Variants in COL5A1 observed in about 807,000 individuals in gnomAD.
COL5A1 encodes collagen alpha-1(V) chain.
In COL5A1, 16 loss-of-function variants were observed where a neutral mutation model predicts 263.7. The ratio of observed to expected loss-of-function variants is 0.06; its 90% confidence interval spans 0.04 to 0.09. The LOEUF (loss-of-function observed/expected upper bound fraction) is 0.09, where lower values mean the gene tolerates loss of function less well. COL5A1 is among the 10% of genes least tolerant of loss of function. The pLI, the probability that COL5A1 is intolerant of heterozygous loss-of-function variation, is 1.00. For missense variants in COL5A1, 2,036 were observed against 2,540.5 expected (o/e 0.80, Z 4.27); for synonymous variants, 1,012 against 1,004.5 (o/e 1.01, Z -0.14).
intron 64 of COL5A1, among the ~76,000 whole-genome samples, chr9:134,833,277 A>C (rs7045205): frequency 0.069 from 10,482 of 152,290 alleles, 781 homozygotes; most frequent in African/African-American, 0.18. Context: ...AGAGATGCAA[A>C]AGTGAGATGC....
chr9:134,810,765 C>T (rs539329678), intron 44 of COL5A1, among the ~76,000 whole-genome samples: 30 of 152,208 alleles, frequency 2.0e-4, no homozygotes, highest in Non-Finnish European at 3.7e-4. Context: ...CGATGAGTGA[C>T]ATGTCTTCTT....
At chr9:134,795,848 G>A (rs185675772) in intron 34 of COL5A1, among the ~76,000 whole-genome samples, 1 of 152,254 alleles carries the variant, frequency 6.6e-6, no homozygotes, top group African/African-American at 2.4e-5. Context: ...ACTCCAGAGC[G>A]GGTTCCTGCT....
chr9:134,698,144 A>G (rs1335178729), intron 2 of COL5A1, among the ~76,000 whole-genome samples: 1 of 152,220 alleles, frequency 6.6e-6, no homozygotes, highest in Non-Finnish European at 1.5e-5. Context: ...TAGACATGGG[A>G]GTCCTGAGCC....
intron 19 of COL5A1, among the ~76,000 whole-genome samples, chr9:134,763,090 G>A (rs1005871360): frequency 1.3e-5 from 2 of 151,440 alleles, no homozygotes; most frequent in African/African-American, 4.9e-5. Flanking sequence ...CACAGGGTCT[G>A]TGTGTCCATG....
At chr9:134,760,592 G>GCA (rs1240379644) in intron 18 of COL5A1, among the ~76,000 whole-genome samples, 2 of 52,794 alleles carry the variant, frequency 3.8e-5, no homozygotes, top group African/African-American at 1.6e-4. Flanking sequence ...TCAGACACAT[G>GCA]CACACACACC....
chr9:134,721,692 C>T (rs555830010), intron 4 of COL5A1, among the ~76,000 whole-genome samples: 1 of 152,354 alleles, frequency 6.6e-6, no homozygotes, highest in Admixed American at 6.5e-5. Flanking sequence ...CTCAGCCCTG[C>T]CTGGAAGGTG....
Position 134,818,709 on chromosome 9 carries a change from G to A in COL5A1, c.4284G>A (p.Gln1428=), listed in dbSNP as rs1415330411. Residue 1428 remains glutamine (Q), a synonymous_variant, in exon 55 of 66, where the codon CAG becomes CAA. Transcript: ENST00000371817. This position sits in a 1 kb window ranked among gnomAD's most constrained non-coding sequence, Gnocchi z 6.0. ...GGAAGACTGGCCCCATCGGCCCCCA[G>A]GGGGCCCCTGGGAAGCCCGGACCGG... ...PPGKTGPIGP[Q]GAPGKPGPDG... The A allele has an allele frequency of 1.2e-6, 2 of 1,610,550 alleles. No homozygotes were observed. Among genetic ancestry groups the A allele is most frequent in the African/African-American group, 2.7e-5 (2 of 74,830 alleles).
At chr9:134,645,426 C>T (rs1251908791) in intron 1 of COL5A1, among the ~76,000 whole-genome samples, 2 of 152,236 alleles carry the variant, frequency 1.3e-5, no homozygotes, top group Non-Finnish European at 2.9e-5. Context: ...TGAGCTGCCC[C>T]GCTGGAGGGC....
rs929708345 is a variant in COL5A1 at position 134,716,692 on chromosome 9, C to T, written c.655-10574C>T. Among the ~76,000 whole-genome samples the T allele has an allele frequency of 6.6e-6, 1 of 152,220 alleles. No individual in the cohort carries two copies. Among genetic ancestry groups the T allele is most frequent in the African/African-American group, 2.4e-5 (1 of 41,454 alleles). On this transcript the variant is annotated intron_variant, in intron 4 of 65. Transcript: ENST00000371817. This position sits in a 1 kb window ranked among gnomAD's most constrained non-coding sequence, Gnocchi z 4.5. The stretch of plus-strand genomic sequence containing the variant: ...CTCCGAGTTTGCTGAGCTGACCCTT[C>T]AGTCCCTGTGGCCAGCTTCAGGGTG...
At chr9:134,785,552 C>T (rs1398818918) in intron 30 of COL5A1, among the ~76,000 whole-genome samples, 3 of 152,132 alleles carry the variant, frequency 2.0e-5, no homozygotes, top group African/African-American at 7.2e-5. Flanking sequence ...GTGGGAGGCT[C>T]CTGGGCCAGC....
chr9:134,751,244 C>T (rs1406954105), intron 13 of COL5A1, among the ~76,000 whole-genome samples: 1 of 151,868 alleles, frequency 6.6e-6, no homozygotes, highest in Non-Finnish European at 1.5e-5. Flanking sequence ...CCAGTAGGGA[C>T]CCCGAGATCA....
rs1006988038 is a variant in COL5A1 at position 134,754,461 on chromosome 9, G to A, written c.1827+135G>A. 29 of 999,616 alleles carry A rather than the reference G, an allele frequency of 2.9e-5. No individual in the cohort carries two copies. Among genetic ancestry groups the A allele is most frequent in the Middle Eastern group, 2.8e-4 (1 of 3,598 alleles). The allele number at this position is 999,616 out of a possible 1,614,324, so 61.9% of individuals were successfully genotyped here. On this transcript the variant is annotated intron_variant, in intron 16 of 65. Coordinates refer to ENST00000371817, the MANE Select transcript of COL5A1 (RefSeq NM_000093.5). The surrounding 1 kb of genome is among the most constrained non-coding windows in gnomAD (Gnocchi z 4.3). ...TGGCTCCCCTTCTTGTGATGGGTGC[G>A]TCCATCCCCAAGGCTGCCTCTGAGC...
chr9:134,812,212 T>A lies in COL5A1; in HGVS notation c.3691-237T>A, dbSNP rs10745387. On this transcript the variant is annotated intron_variant, in intron 46 of 65. Coordinates refer to ENST00000371817, the MANE Select transcript of COL5A1 (RefSeq NM_000093.5). ...TCCTTAGGCTTTATTGTTTTATGGG[T>A]TCCTGCCATAATCACCTTTGTCGTA... Among the ~76,000 whole-genome samples, 94,701 of 152,086 alleles carry A rather than the reference T, an allele frequency of 0.62. 30,944 individuals carry two copies. Among genetic ancestry groups the A allele is most frequent in the African/African-American group, 0.84 (34,744 of 41,494 alleles).
intron 6 of COL5A1, among the ~76,000 whole-genome samples, chr9:134,729,324 G>T (rs986323329): frequency 6.6e-6 from 1 of 152,194 alleles, no homozygotes; most frequent in African/African-American, 2.4e-5. Context: ...CACCTAGCAG[G>T]GCCCGGGCCC....
At chr9:134,835,751 G>C (rs374065174) in intron 65 of COL5A1, among the ~76,000 whole-genome samples, 49 of 152,302 alleles carry the variant, frequency 3.2e-4, no homozygotes, top group African/African-American at 1.0e-3. Flanking sequence ...GAGACCTCAC[G>C]GGCAGTCAGG....
chr9:134,783,692 T>C (rs1161005277), intron 29 of COL5A1, among the ~76,000 whole-genome samples: 1 of 152,080 alleles, frequency 6.6e-6, no homozygotes, highest in African/African-American at 2.4e-5. Context: ...CCCACACACT[T>C]GGCACTTCGT....
In COL5A1 at chr9:134,796,830, G is replaced by A. The variant is rs757216231; in HGVS notation, c.2845-18G>A. 56 of 1,613,612 alleles carry A rather than the reference G, an allele frequency of 3.5e-5. No individual in the cohort carries two copies. Among genetic ancestry groups the A allele is most frequent in the Non-Finnish European group, 4.3e-5 (51 of 1,179,578 alleles). ...GGAGAGACCTCTTGTCCTCAAACTGGCCTTTCTCTGTTCCCAGGGACCCAA... is the reference window on the plus strand; with the variant it reads ...GGAGAGACCTCTTGTCCTCAAACTGACCTTTCTCTGTTCCCAGGGACCCAA... On this transcript the variant is annotated intron_variant, in intron 35 of 65. Coordinates refer to ENST00000371817, the MANE Select transcript of COL5A1 (RefSeq NM_000093.5).
chr9:134,814,510 T>G (rs1838663286), intron 49 of COL5A1, among the ~76,000 whole-genome samples: 1 of 152,198 alleles, frequency 6.6e-6, no homozygotes, highest in African/African-American at 2.4e-5. Context: ...CCTTGTGGTC[T>G]TCACTGACTG....
chr9:134,655,582 C>T (rs116764839), intron 1 of COL5A1, among the ~76,000 whole-genome samples: 1 of 152,252 alleles, frequency 6.6e-6, no homozygotes, highest in African/African-American at 2.4e-5. Context: ...GCTAGGACCA[C>T]CACAGCTGGC....
Sources: allele counts gnomAD v4.1 joint callset (sites outside exome capture counted in the v4.1 genomes callset), GRCh38; gene constraint gnomAD v4.1.1; non-coding constraint Gnocchi (gnomAD v3.1); transcripts MANE v1.5; gene names NCBI Gene and HGNC (gene_info 2026-07-23, HGNC 2026-07-21).